RUFY1: variants seen among roughly 807,000 people sequenced by gnomAD.
RUFY1 encodes the protein RUN and FYVE domain-containing protein 1.
In RUFY1, 54 loss-of-function variants were observed where a neutral mutation model predicts 94.6. That is an observed-to-expected ratio of 0.57 (90% CI 0.46 to 0.72). The LOEUF (loss-of-function observed/expected upper bound fraction) is 0.72. RUFY1 is among the 30% of genes least tolerant of loss of function. The pLI, the probability that RUFY1 is intolerant of heterozygous loss-of-function variation, is 0.00. For missense variants in RUFY1, 883 were observed against 883.9 expected (o/e 1.00, Z 0.01); for synonymous variants, 396 against 347.3 (o/e 1.14, Z -1.56).
At chr5:179,584,079 G>T (rs1333243823) in intron 7 of RUFY1, among the ~76,000 whole-genome samples, 1 of 152,172 alleles carries the variant, frequency 6.6e-6, no homozygotes, top group Admixed American at 6.5e-5. Context: ...CAATTGGGGG[G>T]TATTTTCTAA....
chr5:179,551,352 C>G (rs540848211), intron 1 of RUFY1, among the ~76,000 whole-genome samples: 1 of 152,362 alleles, frequency 6.6e-6, no homozygotes, highest in East Asian at 1.9e-4. Context: ...AAGACCTTTT[C>G]AGCCCTTGTA....
intron 15 of RUFY1, among the ~76,000 whole-genome samples, chr5:179,603,968 A>G (rs1459965316): frequency 6.6e-6 from 1 of 152,260 alleles, no homozygotes; most frequent in African/African-American, 2.4e-5. Flanking sequence ...GAGGCAGGAG[A>G]ATCGCTTGAA....
At position 179,560,156 on chromosome 5, in the gene RUFY1, T is replaced by C; in HGVS notation, c.442T>C (p.Phe148Leu). Residue 148 changes from phenylalanine (F) to leucine (L), a missense_variant, in exon 2 of 18, where the codon TTC (phenylalanine) becomes CTC (leucine). By Grantham distance (22) the Phe-to-Leu change is conservative. Coordinates refer to ENST00000319449, the MANE Select transcript of RUFY1 (RefSeq NM_025158.5). ...LDADHAPLQQ[F>L]FVVMEHCLKH... ...TGCGGACCATGCCCCCTTGCAGCAG[T>C]TCTTTGTAGTGATGGAGCACTGCCT... 1 of 1,613,898 alleles carries C rather than the reference T, an allele frequency of 6.2e-7. No individual in the cohort carries two copies. Among genetic ancestry groups the C allele is most frequent in the Non-Finnish European group, 8.5e-7 (1 of 1,179,954 alleles).
chr5:179,607,733 GAA>G, intron 17 of RUFY1, 74 bp downstream of exon 17: 1 of 1,331,202 alleles, frequency 7.5e-7, no homozygotes. Flanking sequence ...TCTGGTTCCA[GAA>G]GCCCATATCA....
intron 6 of RUFY1, among the ~76,000 whole-genome samples, chr5:179,580,206 CGTGTGT>C (rs71591429): frequency 0.048 from 6,153 of 127,548 alleles, 382 homozygotes; most frequent in African/African-American, 0.14. Flanking sequence ...CAAAAAATTC[CGTGTGT>C]GTGTGTGTGT....
intron 3 of RUFY1, among the ~76,000 whole-genome samples, chr5:179,566,457 T>G (rs1322270253): frequency 6.6e-6 from 1 of 151,830 alleles, no homozygotes; most frequent in African/African-American, 2.4e-5. Flanking sequence ...AATACAAAAA[T>G]TAGCTGGGCG....
chr5:179,579,180 T>A (rs1235040322), intron 6 of RUFY1, among the ~76,000 whole-genome samples: 1 of 152,174 alleles, frequency 6.6e-6, no homozygotes, highest in African/African-American at 2.4e-5. Flanking sequence ...TGCCTGGCAG[T>A]GCACCTTACC....
intron 17 of RUFY1, chr5:179,608,495 C>CA: frequency 2.0e-6 from 2 of 985,582 alleles, no homozygotes; most frequent in Non-Finnish European, 2.4e-6. Flanking sequence ...ATCAGGCACC[C>CA]AGGGAACCTG....
intron 4 of RUFY1, among the ~76,000 whole-genome samples, chr5:179,567,901 C>A (rs1303148586): frequency 6.6e-6 from 1 of 151,558 alleles, no homozygotes; most frequent in Non-Finnish European, 1.5e-5. Flanking sequence ...GAGACTCCTT[C>A]TCAAAAAAAT....
At chr5:179,558,816 C>T (rs1762238102) in intron 1 of RUFY1, among the ~76,000 whole-genome samples, 1 of 152,070 alleles carries the variant, frequency 6.6e-6, no homozygotes, top group African/African-American at 2.4e-5. Context: ...CTGTAATTAA[C>T]TATATAAAAA....
intron 5 of RUFY1, 75 bp from the exon 6 acceptor site, chr5:179,577,000 C>T: frequency 1.0e-6 from 1 of 998,954 alleles, no homozygotes; most frequent in Non-Finnish European, 1.6e-6. Context: ...GAATGAAATA[C>T]CTGAATTTCA....
Position 179,556,883 on chromosome 5 carries a change from G to A in RUFY1, c.311-3142G>A, listed in dbSNP as rs539881087. On this transcript the variant is annotated intron_variant, in intron 1 of 17. Coordinates refer to ENST00000319449, the MANE Select transcript of RUFY1 (RefSeq NM_025158.5). ...TGTAGATGAATATATATGATTTACT[G>A]CTAAAGCGTGATAGAATTCAGCATC... Among the ~76,000 whole-genome samples the A allele has an allele frequency of 3.3e-5, 5 of 152,288 alleles. No individual in the cohort carries two copies. In the South Asian group the frequency reaches 1.0e-3, roughly 32 times the overall value.
chr5:179,608,526 A>G (rs1174930919), intron 17 of RUFY1: 2 of 985,272 alleles, frequency 2.0e-6, no homozygotes, highest in East Asian at 1.1e-4. Flanking sequence ...GATCTACTCC[A>G]CCCCCTTGGA....
At chr5:179,579,323 TTC>T (rs1243673193) in intron 6 of RUFY1, among the ~76,000 whole-genome samples, 3 of 152,300 alleles carry the variant, frequency 2.0e-5, no homozygotes, top group African/African-American at 4.8e-5. Context: ...ACAAAATATA[TTC>T]TTTTTTCTTT....
At chr5:179,607,912 A>T (rs968991414) in intron 17 of RUFY1, among the ~76,000 whole-genome samples, 1 of 152,122 alleles carries the variant, frequency 6.6e-6, no homozygotes, top group Non-Finnish European at 1.5e-5. Context: ...ATTGACAATG[A>T]TTTTTGGGGA....
At chr5:179,560,737 A>G (rs570359686) in intron 2 of RUFY1, among the ~76,000 whole-genome samples, 91 of 150,592 alleles carry the variant, frequency 6.0e-4, no homozygotes, top group South Asian at 1.0e-3. Context: ...AAAAAAAAAA[A>G]AAAAAAGAAA....
chr5:179,550,895 G>T lies in RUFY1; in HGVS notation c.310+16G>T. 8.8e-7 allele frequency: 1 copy of T among 1,130,398 alleles called. No homozygotes were observed. The highest frequency in any genetic ancestry group is 1.1e-6 in the Non-Finnish European group (1 of 924,710). The allele number at this position is 1,130,398 out of a possible 1,614,324, so 70.0% of individuals were successfully genotyped here. On this transcript the variant is annotated intron_variant, in intron 1 of 17. Transcript: ENST00000319449. ...GCGCGCGCAGGTAGGCTCGGGCCGG[G>T]TCTGTCCCGCGGCGGACTCGCGTGT...
At chr5:179,553,587 C>G (rs1444481776) in intron 1 of RUFY1, among the ~76,000 whole-genome samples, 4 of 151,610 alleles carry the variant, frequency 2.6e-5, no homozygotes, top group Non-Finnish European at 5.9e-5. Context: ...AGTTCGAGAC[C>G]AACCTGGCCA....
chr5:179,585,908 C>T, intron 8 of RUFY1, 43 bp downstream of exon 8: 5 of 1,469,392 alleles, frequency 3.4e-6, no homozygotes, highest in Non-Finnish European at 4.8e-6. Flanking sequence ...ACAGAATGAC[C>T]CAAGGTTAAG....
Sources: gnomAD v4.1 joint callset for allele counts (sites outside exome capture counted in the v4.1 genomes callset) on GRCh38, gnomAD v4.1.1 for gene constraint, MANE v1.5 for transcripts, NCBI Gene and HGNC (gene_info 2026-07-23, HGNC 2026-07-21) for gene names.